The following BMX variants were observed in gnomAD, a reference collection of about 807,000 sequenced individuals.
BMX encodes cytoplasmic tyrosine-protein kinase BMX.
A neutral mutation model predicts 59.2 loss-of-function variants in BMX; 31 were observed. The observed-to-expected ratio is 0.52, with a 90% CI of 0.39 to 0.71. The LOEUF is 0.71. BMX is among the 30% of genes least tolerant of loss of function. The pLI is 0.00. For synonymous variants in BMX, 185 were observed against 181.0 expected (o/e 1.02, Z -0.18); for missense variants, 474 against 491.7 (o/e 0.96, Z 0.34).
intron 4 of BMX, among the ~76,000 whole-genome samples, chrX:15,515,804 T>G (rs1924130301): frequency 8.9e-6 from 1 of 112,180 alleles, no homozygotes; most frequent in South Asian, 3.7e-4. Flanking sequence ...ACTCACTTTC[T>G]TTACAGATAT....
intron 4 of BMX, among the ~76,000 whole-genome samples, chrX:15,515,774 A>G (rs950108667): frequency 1.8e-5 from 2 of 111,827 alleles, no homozygotes; most frequent in Non-Finnish European, 3.8e-5. Flanking sequence ...GCCACAAGAA[A>G]ACACCATGTG....
At chrX:15,502,513 T>C (rs1299704044) in intron 1 of BMX, among the ~76,000 whole-genome samples, 1 of 112,010 alleles carries the variant, frequency 8.9e-6, no homozygotes, top group African/African-American at 3.3e-5. Flanking sequence ...TGTGAGAAAA[T>C]GATCTTCCCA....
intron 18 of BMX, among the ~76,000 whole-genome samples, chrX:15,550,820 C>A (rs1217032562): frequency 9.0e-6 from 1 of 111,022 alleles, no homozygotes; most frequent in Non-Finnish European, 1.9e-5. Flanking sequence ...TTTGCACCAA[C>A]CTAATACAAG....
Position 15,526,029 on chromosome X carries a change from A to T in BMX, c.831-13A>T. On this transcript the variant is annotated splice_polypyrimidine_tract_variant and intron_variant, in intron 8 of 18. Coordinates refer to ENST00000348343, the MANE Select transcript of BMX (RefSeq NM_203281.3). The stretch of plus-strand genomic sequence containing the variant: ...GCTTTTCTGCACTCACGTTTTTCTC[A>T]ACTCTTCTTAAGGGAATTCCCTGAG... 8.3e-7 allele frequency: 1 copy of T among 1,202,255 alleles called. No individual in the cohort carries two copies. Among genetic ancestry groups the T allele is most frequent in the Non-Finnish European group, 1.1e-6 (1 of 890,135 alleles).
chrX:15,521,487 T>C (rs1477059451), intron 6 of BMX, among the ~76,000 whole-genome samples: 1 of 112,395 alleles, frequency 8.9e-6, no homozygotes, highest in African/African-American at 3.2e-5. Flanking sequence ...TAAAGCAACA[T>C]ACATTTATTC....
intron 9 of BMX, among the ~76,000 whole-genome samples, chrX:15,528,586 A>T (rs768569934): frequency 9.1e-6 from 1 of 110,251 alleles, no homozygotes; most frequent in Admixed American, 9.6e-5. Context: ...TGAGCCCGGG[A>T]GGTCGAGGCT....
rs755453160 is a variant in BMX, at chrX:15,524,263, T to G, written c.753-1025T>G. 8.0e-5 allele frequency among the ~76,000 whole-genome samples: 9 copies of G among 112,644 alleles called. No individual in the cohort carries two copies. In the East Asian group the frequency reaches 2.5e-3, roughly 31 times the overall value. On this transcript the variant is annotated intron_variant, in intron 7 of 18. Coordinates refer to ENST00000348343, the MANE Select transcript of BMX (RefSeq NM_203281.3). ...AGTCTTTGTCATTTGTTCTTTTCAC[T>G]TGACATCTTCAGCATTTTTCCTATT...
At chrX:15,542,952 C>T (rs1601662885) in intron 15 of BMX, 119 bp from the exon 16 acceptor site, 1 of 626,146 alleles carries the variant, frequency 1.6e-6, no homozygotes, top group Non-Finnish European at 2.5e-6. Context: ...AACTTTAGAG[C>T]ACTTGGGGGT....
chrX:15,501,655 C>T (rs749221271), intron 1 of BMX, among the ~76,000 whole-genome samples: 7 of 111,770 alleles, frequency 6.3e-5, no homozygotes, highest in South Asian at 3.8e-4. Flanking sequence ...CGCGAGGTCT[C>T]GGGTGGGAAC....
chrX:15,501,392 A>G (rs774520528), intron 1 of BMX, among the ~76,000 whole-genome samples: 3 of 112,440 alleles, frequency 2.7e-5, no homozygotes, highest in Non-Finnish European at 5.6e-5. Context: ...TTTAGCTACA[A>G]ATATTTGCTC....
intron 3 of BMX, among the ~76,000 whole-genome samples, chrX:15,510,755 C>T (rs1183178613): frequency 8.9e-6 from 1 of 111,934 alleles, no homozygotes; most frequent in East Asian, 2.8e-4. Context: ...GGAAAGAGCC[C>T]AGCAACTAGT....
intron 12 of BMX, among the ~76,000 whole-genome samples, chrX:15,535,885 T>C (rs995954050): frequency 6.2e-5 from 7 of 112,200 alleles, no homozygotes; most frequent in Non-Finnish European, 1.3e-4. Flanking sequence ...TAACCCAGTT[T>C]TACCATAACT....
chrX:15,518,121 C>T lies in BMX; in HGVS notation c.510+128C>T, dbSNP rs924065858. 8.1e-6 allele frequency: 4 copies of T among 495,177 alleles called. No individual in the cohort carries two copies. The African/African-American group carries it at 9.7e-5, about 12-fold the overall frequency. The allele number at this position is 495,177 out of a possible 1,213,427, so 40.8% of individuals were successfully genotyped here. On this transcript the variant is annotated intron_variant, in intron 6 of 18. Transcript: ENST00000348343. ...TCAGCAAAGAGAGAAAAACCATGAG[C>T]TCTAGATAATAGCTATGGGTGGTAT...
chrX:15,517,236 T>A (rs1443275087), intron 5 of BMX, among the ~76,000 whole-genome samples: 1 of 112,116 alleles, frequency 8.9e-6, no homozygotes, highest in Non-Finnish European at 1.9e-5. Flanking sequence ...TTGCTCTATA[T>A]ACTCATGAAT....
Position 15,522,475 on chromosome X carries a change from G to A in BMX, c.640G>A (p.Ala214Thr), listed in dbSNP as rs199940605. The change falls in exon 7 of 19, where the codon GCG becomes ACG. Residue 214 changes from alanine (A) to threonine (T), a missense_variant. Physicochemically the swap from Ala to Thr is moderately conservative, Grantham distance 58 (BLOSUM62 0). Transcript: ENST00000348343. ...SQPPSSSTSL[A>T]QYDSNSKKIY... ...GCCACCATCTTCAAGTACCAGTCTA[G>A]CGCAATATGACAGCAACTCAAAGAA... is the stretch of plus-strand genomic sequence containing the variant. 156 of 1,210,927 alleles carry A rather than the reference G, an allele frequency of 1.3e-4. No individual in the cohort carries two copies. The highest frequency in any genetic ancestry group is 2.3e-4 in the Middle Eastern group (1 of 4,376).
chrX:15,502,754 C>T (rs7062057), intron 1 of BMX, among the ~76,000 whole-genome samples: 10,078 of 111,734 alleles, frequency 0.09, 1,072 homozygotes, highest in African/African-American at 0.3. Context: ...TTTACTTGAT[C>T]CTCAGTCAAA....
intron 9 of BMX, 123 bp from the exon 10 acceptor site, chrX:15,529,850 G>A (rs1924978663): frequency 1.4e-5 from 7 of 499,761 alleles, no homozygotes; most frequent in East Asian, 3.7e-5. Context: ...ATTCTCTGGA[G>A]CAGTTAGGCT....
intron 10 of BMX, among the ~76,000 whole-genome samples, chrX:15,530,427 C>G (rs1244723490): frequency 9.0e-6 from 1 of 111,726 alleles, no homozygotes; most frequent in Non-Finnish European, 1.9e-5. Flanking sequence ...AGCAGTCTCT[C>G]CATGTGCCTC....
At chrX:15,505,488 C>CT (rs1923705856) in intron 1 of BMX, among the ~76,000 whole-genome samples, 1 of 111,844 alleles carries the variant, frequency 8.9e-6, no homozygotes, top group African/African-American at 3.3e-5. Flanking sequence ...GTGAACCCAT[C>CT]TTTGAGAAAA....
Sources: allele counts gnomAD v4.1 joint callset (sites outside exome capture counted in the v4.1 genomes callset), GRCh38; gene constraint gnomAD v4.1.1; transcripts MANE v1.5; gene names NCBI Gene and HGNC (gene_info 2026-07-23, HGNC 2026-07-21).